The following TSPAN15 variants were observed in gnomAD, a reference collection of about 807,000 sequenced individuals.
TSPAN15 encodes the protein tetraspanin-15.
In TSPAN15, 20 loss-of-function variants were observed where a neutral mutation model predicts 34.5. The ratio of observed to expected loss-of-function variants is 0.58; its 90% CI spans 0.41 to 0.84. The LOEUF is 0.84. TSPAN15 is among the 40% of genes least tolerant of loss of function. TSPAN15 has a pLI of 0.00. For missense variants in TSPAN15, 313 were observed against 386.1 expected, an observed-to-expected ratio of 0.81 and a Z score of 1.59; for synonymous variants, 155 against 153.9, an observed-to-expected ratio of 1.01 and a Z score of -0.05.
intron 1 of TSPAN15, among the ~76,000 whole-genome samples, chr10:69,479,569 A>T (rs987387590): frequency 2.0e-5 from 3 of 152,194 alleles, no homozygotes; most frequent in African/African-American, 7.2e-5. Flanking sequence ...TGCTTGACAG[A>T]TGGGCCATTT....
the TSPAN15 span, among the ~76,000 whole-genome samples, chr10:69,515,334 G>T: frequency 6.6e-6 from 1 of 152,044 alleles, no homozygotes; most frequent in Non-Finnish European, 1.5e-5. Context: ...CTCAGTCCTG[G>T]GTCCCTGCTC....
chr10:69,481,551 G>C (rs1841735465), intron 1 of TSPAN15, among the ~76,000 whole-genome samples: 1 of 152,200 alleles, frequency 6.6e-6, no homozygotes, highest in Non-Finnish European at 1.5e-5. Flanking sequence ...TTTAGAAGGA[G>C]GTCACGGGCA....
chr10:69,478,923 G>A (rs1203356453), intron 1 of TSPAN15, among the ~76,000 whole-genome samples: 1 of 152,238 alleles, frequency 6.6e-6, no homozygotes, highest in Non-Finnish European at 1.5e-5. Flanking sequence ...AATTGCAGGT[G>A]CCGTTAATAC....
chr10:69,460,185 G>T (rs879874162), intron 1 of TSPAN15, among the ~76,000 whole-genome samples: 18 of 152,000 alleles, frequency 1.2e-4, no homozygotes, highest in African/African-American at 4.3e-4. Flanking sequence ...GACCCCTAGG[G>T]TGTGCATGTG....
intron 1 of TSPAN15, among the ~76,000 whole-genome samples, chr10:69,453,119 T>C (rs1841010200): frequency 6.6e-6 from 1 of 151,834 alleles, no homozygotes; most frequent in Non-Finnish European, 1.5e-5. Flanking sequence ...CTCTAGGTAA[T>C]GTGGAGGAGA....
chr10:69,524,687 T>G, the TSPAN15 span, among the ~76,000 whole-genome samples: 2 of 142,560 alleles, frequency 1.4e-5, no homozygotes, highest in African/African-American at 5.1e-5. Context: ...GATCTAAACA[T>G]AAATTTCAGA....
rs74346840 is a variant in TSPAN15 at position 69,475,267 on chromosome 10, A to G, written c.97-8424A>G. Among the ~76,000 whole-genome samples the G allele has an allele frequency of 7.3e-3, 1,116 of 152,212 alleles. 13 individuals are homozygous for G. The highest frequency in any genetic ancestry group is 0.026 in the African/African-American group (1,071 of 41,526). On this transcript the variant is annotated intron_variant, in intron 1 of 7. Transcript: ENST00000373290. ...CTCTGTTCCAGACTGGGATCATCGC[A>G]GAGTTCCTTCTTTGGGCTTACAGGC...
chr10:69,539,442 GAAGAAGAAGA>G, the TSPAN15 span, among the ~76,000 whole-genome samples: 3 of 31,454 alleles, frequency 9.5e-5, no homozygotes, highest in Admixed American at 3.9e-4. Context: ...GAAGAAGAAG[GAAGAAGAAGA>G]AGAAGAAGAA....
At chr10:69,541,624 G>A in the TSPAN15 span, among the ~76,000 whole-genome samples, 5 of 152,166 alleles carry the variant, frequency 3.3e-5, no homozygotes, top group Admixed American at 6.5e-5. Flanking sequence ...TGAGGGCTCC[G>A]CCCCTGCAGC....
the TSPAN15 span, among the ~76,000 whole-genome samples, chr10:69,532,605 T>C: frequency 6.6e-6 from 1 of 152,162 alleles, no homozygotes; most frequent in Non-Finnish European, 1.5e-5. Flanking sequence ...CAAACCCTTA[T>C]AGACATTGGC....
intron 1 of TSPAN15, among the ~76,000 whole-genome samples, chr10:69,476,142 G>A (rs1179984332): frequency 1.3e-5 from 2 of 151,960 alleles, no homozygotes; most frequent in South Asian, 2.1e-4. Context: ...TGGAAGATTC[G>A]AGATCTAAGA....
the TSPAN15 span, among the ~76,000 whole-genome samples, chr10:69,515,548 T>C: frequency 6.6e-6 from 1 of 152,182 alleles, no homozygotes; most frequent in Non-Finnish European, 1.5e-5. Flanking sequence ...AAGGCCAGAC[T>C]AGCTTAGTAA....
the TSPAN15 span, among the ~76,000 whole-genome samples, chr10:69,540,132 C>T: frequency 1.1e-4 from 16 of 152,102 alleles, no homozygotes; most frequent in Middle Eastern, 6.8e-3. Flanking sequence ...CTCAAGTGAT[C>T]CACCTGCCTC....
chr10:69,484,749 C>G (rs986005422), intron 2 of TSPAN15, among the ~76,000 whole-genome samples: 23 of 152,138 alleles, frequency 1.5e-4, no homozygotes, highest in African/African-American at 4.6e-4. Context: ...TCTGAGGGCT[C>G]TCTGTGGGGA....
the TSPAN15 span, among the ~76,000 whole-genome samples, chr10:69,537,851 C>G: frequency 4.6e-5 from 7 of 151,842 alleles, no homozygotes; most frequent in Admixed American, 1.3e-4. Flanking sequence ...AGGGTGGGGA[C>G]TGGGAATTGT....
the TSPAN15 span, among the ~76,000 whole-genome samples, chr10:69,541,598 T>C: frequency 1.3e-5 from 2 of 152,246 alleles, no homozygotes; most frequent in Non-Finnish European, 2.9e-5. Flanking sequence ...CTCAGTGTCC[T>C]AGCAGAGGTT....
At chr10:69,479,084 C>T (rs965835705) in intron 1 of TSPAN15, among the ~76,000 whole-genome samples, 1 of 152,236 alleles carries the variant, frequency 6.6e-6, no homozygotes, top group Non-Finnish European at 1.5e-5. Context: ...CTTACTCTCC[C>T]TTCTCAATAG....
the TSPAN15 span, among the ~76,000 whole-genome samples, chr10:69,542,696 C>G: frequency 6.6e-6 from 1 of 152,222 alleles, no homozygotes; most frequent in African/African-American, 2.4e-5. Flanking sequence ...ATAAAACCAT[C>G]AGATCTCATG....
intron 1 of TSPAN15, among the ~76,000 whole-genome samples, chr10:69,469,219 C>T (rs963956236): frequency 5.3e-5 from 8 of 152,242 alleles, no homozygotes; most frequent in African/African-American, 7.2e-5. Context: ...AAGGGGTGAG[C>T]GTGGGCTCAG....
Sources: gnomAD v4.1 joint callset for allele counts (sites outside exome capture counted in the v4.1 genomes callset) on GRCh38, gnomAD v4.1.1 for gene constraint, MANE v1.5 for transcripts, NCBI Gene and HGNC (gene_info 2026-07-23, HGNC 2026-07-21) for gene names.